Variants in LSG1 observed in about 807,000 individuals in gnomAD.
LSG1 encodes large subunit GTPase 1 homolog.
A neutral mutation model predicts 82.6 loss-of-function variants in LSG1; 55 were observed. The ratio of observed to expected loss-of-function variants is 0.67; its 90% CI spans 0.54 to 0.83. The LOEUF (loss-of-function observed/expected upper bound fraction) is 0.83, where lower values mean the gene tolerates loss of function less well. LSG1 is among the 40% of genes least tolerant of loss of function. LSG1 has a pLI of 0.00. For synonymous variants in LSG1, 272 were observed against 282.5 expected (o/e 0.96, Z 0.37); for missense variants, 809 against 807.9 (o/e 1.00, Z -0.02).
intron 5 of LSG1, among the ~76,000 whole-genome samples, chr3:194,665,140 G>A (rs888685038): frequency 6.6e-6 from 1 of 152,150 alleles, no homozygotes; most frequent in Non-Finnish European, 1.5e-5. Flanking sequence ...GGTGCCTGGT[G>A]CTTTGCTTAG....
At chr3:194,656,122 A>C (rs2108618516) in intron 7 of LSG1, among the ~76,000 whole-genome samples, 1 of 152,150 alleles carries the variant, frequency 6.6e-6, no homozygotes, top group African/African-American at 2.4e-5. Flanking sequence ...CACCAAAAGC[A>C]ATGGCAACAA....
chr3:194,644,626 T>G lies in LSG1; in HGVS notation c.1744A>C (p.Asn582His). 1 of 1,613,182 alleles carries G rather than the reference T, an allele frequency of 6.2e-7. No individual in the cohort carries two copies. The highest frequency in any genetic ancestry group is 8.5e-7 in the Non-Finnish European group (1 of 1,179,640). Residue 582 changes from asparagine (N) to histidine (H), a missense_variant, in exon 13 of 14, where the codon AAT becomes CAT. Coordinates refer to ENST00000265245, the MANE Select transcript of LSG1 (RefSeq NM_018385.3). ...TTTTCAATCTGCTTTGCTTTTTTAT[T>G]TCTGCCTAGCTGCATTTTTATTTCA... is the stretch of plus-strand genomic sequence containing the variant. ...SDEIKMQLGR[N>H]KKAKQIENIV...
intron 2 of LSG1, among the ~76,000 whole-genome samples, chr3:194,668,619 C>A (rs1161069774): frequency 6.6e-6 from 1 of 152,118 alleles, no homozygotes; most frequent in East Asian, 1.9e-4. Flanking sequence ...CTTCTACTAC[C>A]TGTATTTCAG....
intron 1 of LSG1, among the ~76,000 whole-genome samples, chr3:194,670,868 C>A (rs1156241291): frequency 8.5e-5 from 13 of 152,132 alleles, no homozygotes; most frequent in Admixed American, 8.5e-4. Context: ...TTGCTTGAGG[C>A]CAGGAGTTTG....
chr3:194,666,938 GA>G (rs1354520019), intron 2 of LSG1, among the ~76,000 whole-genome samples: 1 of 152,158 alleles, frequency 6.6e-6, no homozygotes, highest in African/African-American at 2.4e-5. Flanking sequence ...AGATGCTCTG[GA>G]GTCTAGAGGA....
At position 194,646,144 on chromosome 3, in the gene LSG1, GA is replaced by G; in HGVS notation, c.1623+19del. 6.2e-7 allele frequency: 1 copy of G among 1,611,946 alleles called. No individual in the cohort carries two copies. Among genetic ancestry groups the G allele is most frequent in the East Asian group, 2.2e-5 (1 of 44,860 alleles). On this transcript the variant is annotated intron_variant, in intron 12 of 13. Transcript: ENST00000265245. ...AAAAGACTTGTGTATTGGAGAGCATGAGAGGCAGGGTTCACTTACACTGACA... is the reference window on the plus strand; with the variant it reads ...AAAAGACTTGTGTATTGGAGAGCATGGAGGCAGGGTTCACTTACACTGACA...
At chr3:194,667,657 C>T (rs1447995809) in intron 2 of LSG1, among the ~76,000 whole-genome samples, 1 of 151,826 alleles carries the variant, frequency 6.6e-6, no homozygotes, top group African/African-American at 2.4e-5. Context: ...GGTGCGGTGG[C>T]TCACGTCTGT....
chr3:194,657,583 A>G (rs1718823593), intron 7 of LSG1, among the ~76,000 whole-genome samples: 1 of 151,930 alleles, frequency 6.6e-6, no homozygotes, highest in South Asian at 2.1e-4. Flanking sequence ...TATCCTGATC[A>G]CAAGAAATAT....
intron 1 of LSG1, among the ~76,000 whole-genome samples, chr3:194,671,454 C>T (rs1234776913): frequency 2.0e-5 from 3 of 152,188 alleles, no homozygotes; most frequent in Admixed American, 1.3e-4. Flanking sequence ...TAGCACTCAA[C>T]ATGTTCTCAT....
At position 194,641,805 on chromosome 3, in the gene LSG1, G is replaced by A. The variant is rs142883707; in HGVS notation, c.*263C>T. 2.9e-3 allele frequency: 909 copies of A among 310,450 alleles called. 5 individuals are homozygous for A. Among genetic ancestry groups the A allele is most frequent in the East Asian group, 0.015 (281 of 18,270 alleles). The allele number at this position is 310,450 out of a possible 1,614,324, so 19.2% of individuals were successfully genotyped here. A position where few individuals can be genotyped will look rare whatever the true frequency, so the allele number is the denominator to read the frequency against. On this transcript the variant is annotated 3_prime_UTR_variant, in exon 14 of 14. Coordinates refer to ENST00000265245, the MANE Select transcript of LSG1 (RefSeq NM_018385.3). ...ATTTTTTTGTATTTTTAGTAGAGAC[G>A]GGGTTTCTCCATGTTGGTGCGTGAG...
Position 194,641,804 on chromosome 3 carries a change from C to T in LSG1, c.*264G>A, listed in dbSNP as rs531879723. 143 of 306,778 alleles carry T rather than the reference C, an allele frequency of 4.7e-4. 1 individual carries two copies. The highest frequency in any genetic ancestry group is 2.8e-3 in the Middle Eastern group (3 of 1,084). 19.0% of individuals were successfully genotyped at this position (306,778 alleles called of 1,614,324 possible). A position where few individuals can be genotyped will look rare whatever the true frequency, so the allele number is the denominator to read the frequency against. On this transcript the variant is annotated 3_prime_UTR_variant, in exon 14 of 14. Coordinates refer to ENST00000265245, the MANE Select transcript of LSG1 (RefSeq NM_018385.3). ...AATTTTTTTGTATTTTTAGTAGAGACGGGGTTTCTCCATGTTGGTGCGTGA... is the reference window on the plus strand; with the variant it reads ...AATTTTTTTGTATTTTTAGTAGAGATGGGGTTTCTCCATGTTGGTGCGTGA...
chr3:194,647,100 T>C (rs1157656338), intron 11 of LSG1, among the ~76,000 whole-genome samples: 1 of 151,582 alleles, frequency 6.6e-6, no homozygotes, highest in Admixed American at 6.6e-5. Flanking sequence ...ATAGTTAGAA[T>C]CCTAATTTAC....
chr3:194,651,546 T>C, intron 8 of LSG1: 1 of 300,344 alleles, frequency 3.3e-6, no homozygotes. Flanking sequence ...CCATCGCATC[T>C]TCCACACTGG....
At chr3:194,653,905 A>G (rs927522512) in intron 7 of LSG1, among the ~76,000 whole-genome samples, 2 of 152,134 alleles carry the variant, frequency 1.3e-5, no homozygotes, top group African/African-American at 2.4e-5. Context: ...CACAACAACA[A>G]CAACAAAACT....
intron 1 of LSG1, chr3:194,671,820 ACT>A (rs1198244454): frequency 7.4e-6 from 4 of 544,116 alleles, no homozygotes; most frequent in African/African-American, 3.9e-5. Context: ...GGCATTGAAG[ACT>A]CTTCAGATTC....
intron 12 of LSG1, chr3:194,645,537 C>CACACACACACACACAG (rs1718515719): frequency 1.1e-4 from 3 of 27,278 alleles, no homozygotes; most frequent in Admixed American, 7.7e-4. Flanking sequence ...CACAGACAGA[C>CACACACACACACACAG]ACACACACAC....
Position 194,648,174 on chromosome 3 carries a change from T to C in LSG1, c.1543+507A>G, listed in dbSNP as rs529480165. ...AGAAATCATAGGTTCCCACGTGGAATTGGGATAAAACACAGAGGTGGGAGA... is the reference window on the plus strand; with the variant it reads ...AGAAATCATAGGTTCCCACGTGGAACTGGGATAAAACACAGAGGTGGGAGA... On this transcript the variant is annotated intron_variant, in intron 11 of 13. Coordinates refer to ENST00000265245, the MANE Select transcript of LSG1 (RefSeq NM_018385.3). 4.6e-5 allele frequency among the ~76,000 whole-genome samples: 7 copies of C among 151,434 alleles called. No individual in the cohort carries two copies. In the South Asian group the frequency reaches 6.3e-4, roughly 14 times the overall value.
At chr3:194,646,415 G>A (rs773048021) in intron 11 of LSG1, 172 bp from the exon 12 acceptor site, 2 of 511,242 alleles carry the variant, frequency 3.9e-6, no homozygotes, top group South Asian at 2.9e-5. Context: ...TAATCCAGGA[G>A]AATATTTACT....
chr3:194,643,670 A>G (rs1047607736), intron 13 of LSG1, among the ~76,000 whole-genome samples: 3 of 152,208 alleles, frequency 2.0e-5, no homozygotes, highest in Non-Finnish European at 4.4e-5. Flanking sequence ...TGGAGTTGCA[A>G]TACAACCCAG....
Sources: allele counts gnomAD v4.1 joint callset (sites outside exome capture counted in the v4.1 genomes callset), GRCh38; gene constraint gnomAD v4.1.1; transcripts MANE v1.5; gene names NCBI Gene and HGNC (gene_info 2026-07-23, HGNC 2026-07-21).